The following SCIN variants were observed in gnomAD, a reference collection of about 807,000 sequenced individuals.
SCIN encodes the protein scinderin, also known as adseverin.
A neutral mutation model predicts 91.8 loss-of-function variants in SCIN; 91 were observed. That is an observed-to-expected ratio of 0.99 (90% CI 0.84 to 1.18). The LOEUF (loss-of-function observed/expected upper bound fraction) is 1.18, where lower values mean the gene tolerates loss of function less well. SCIN is among the 50% of genes most tolerant of loss of function. SCIN has a pLI of 0.00. For missense variants in SCIN, 1,087 were observed against 863.9 expected (o/e 1.26, Z -3.24); for synonymous variants, 367 against 312.6 (o/e 1.17, Z -1.84).
chr7:12,573,917 G>A (rs1375928652), intron 1 of SCIN, among the ~76,000 whole-genome samples: 1 of 152,090 alleles, frequency 6.6e-6, no homozygotes, highest in Non-Finnish European at 1.5e-5. Flanking sequence ...GCTAGAAACT[G>A]GATCATTTAC....
intron 1 of SCIN, chr7:12,577,462 A>C (rs756042953): frequency 2.2e-6 from 1 of 451,142 alleles, no homozygotes; most frequent in Non-Finnish European, 4.4e-6. Context: ...ATTAATGCTT[A>C]CTTAAATCTC....
Position 12,657,551 on chromosome 7 carries a change from TATATATATATATATATA to T in SCIN, c.*4837_*4853del, listed in dbSNP as rs1784184947. On this transcript the variant is annotated 3_prime_UTR_variant, in exon 16 of 16. Coordinates refer to ENST00000297029, the MANE Select transcript of SCIN (RefSeq NM_001112706.3). ...ATATATGTGTGTGTATATATATATA[TATATATATATATATATA>T]TATATTTTTTTTTTTTTTTTTTTTT... 5.2e-5 allele frequency: 1 copy of T among 19,396 alleles called. No homozygotes were observed. The highest frequency in any genetic ancestry group is 1.3e-4 in the Non-Finnish European group (1 of 7,942). The allele number at this position is 19,396 out of a possible 1,614,324, so 1.2% of individuals were successfully genotyped here.
At chr7:12,649,691 A>G in intron 14 of SCIN, 147 bp downstream of exon 14, 1 of 461,880 alleles carries the variant, frequency 2.2e-6, no homozygotes, top group Non-Finnish European at 3.8e-6. Flanking sequence ...TTGGTAAAAA[A>G]TGAAACTAAC....
intron 5 of SCIN, among the ~76,000 whole-genome samples, chr7:12,623,571 C>T (rs150956207): frequency 3.9e-4 from 60 of 152,234 alleles, no homozygotes; most frequent in African/African-American, 1.3e-3. Flanking sequence ...AACTGCAAGA[C>T]ACTCCAGTTA....
chr7:12,594,025 G>A (rs1050846046), intron 3 of SCIN, among the ~76,000 whole-genome samples: 23 of 152,184 alleles, frequency 1.5e-4, no homozygotes, highest in African/African-American at 2.2e-4. Flanking sequence ...GTAAGAGATC[G>A]TAGAAGGAGA....
In SCIN at chr7:12,625,132, C is replaced by A. The variant is rs764534533; in HGVS notation, c.882C>A (p.Phe294Leu). Residue 294 changes from phenylalanine to leucine, a missense_variant, in exon 6 of 16, where the codon TTC becomes TTA. Transcript: ENST00000297029. ...ACCACGGGGCTGCCAAACAAATTTTCGTATGGAAAGGTAAAAAATTCCATT... is the reference window on the plus strand; with the variant it reads ...ACCACGGGGCTGCCAAACAAATTTTAGTATGGAAAGGTAAAAAATTCCATT... Reference protein sequence around the residue: ...ILDHGAAKQIFVWKGKDANPQ... With the variant: ...ILDHGAAKQILVWKGKDANPQ... The A allele has an allele frequency of 6.2e-7, 1 of 1,607,982 alleles. No homozygotes were observed. Among genetic ancestry groups the A allele is most frequent in the Admixed American group, 1.7e-5 (1 of 59,284 alleles).
chr7:12,631,676 A>C (rs1283986497), intron 9 of SCIN, among the ~76,000 whole-genome samples: 1 of 152,224 alleles, frequency 6.6e-6, no homozygotes, highest in African/African-American at 2.4e-5. Flanking sequence ...CTTTGCCAGC[A>C]AGAAAACCCT....
intron 7 of SCIN, 149 bp from the exon 8 acceptor site, chr7:12,626,435 T>A: frequency 1.6e-6 from 1 of 613,178 alleles, no homozygotes; most frequent in South Asian, 2.3e-5. Context: ...TTACTTTAGT[T>A]GTGAGAAAAA....
At chr7:12,578,325 T>C (rs929442023) in intron 2 of SCIN, 107 bp downstream of exon 2, 1 of 1,038,848 alleles carries the variant, frequency 9.6e-7, no homozygotes, top group African/African-American at 1.6e-5. Context: ...GTTTTTGTTT[T>C]ATTTGCTTTT....
rs1243340193 is a variant in SCIN at position 12,655,531 on chromosome 7, T to A, written c.*2816T>A. 6.6e-6 allele frequency: 1 copy of A among 152,160 alleles called. No individual in the cohort carries two copies. The highest frequency in any genetic ancestry group is 2.4e-5 in the African/African-American group (1 of 41,440). The allele number at this position is 152,160 out of a possible 1,614,324, so 9.4% of individuals were successfully genotyped here. A position where few individuals can be genotyped will look rare whatever the true frequency, so the allele number is the denominator to read the frequency against. Reference sequence around the variant, plus strand: ...ATGTTCTAAGACACTCTTAATTAAATAAATTCACAATAAAATAATCATACT... The same window carrying A: ...ATGTTCTAAGACACTCTTAATTAAAAAAATTCACAATAAAATAATCATACT... On this transcript the variant is annotated 3_prime_UTR_variant, in exon 16 of 16. Coordinates refer to ENST00000297029, the MANE Select transcript of SCIN (RefSeq NM_001112706.3).
At position 12,626,800 on chromosome 7, in the gene SCIN, G is replaced by C; in HGVS notation, c.1197+1G>C. The C allele has an allele frequency of 6.3e-7, 1 of 1,599,494 alleles. No individual in the cohort carries two copies. The highest frequency in any genetic ancestry group is 8.5e-7 in the Non-Finnish European group (1 of 1,172,390). On this transcript the variant is annotated splice_donor_variant, in intron 8 of 15. Transcript: ENST00000297029. LOFTEE classifies it high-confidence loss of function. ...GGATGATGGTTCTGGCAAAGTGGAG[G>C]TATTTACCTGTTTTTGTTTTTATCA...
At chr7:12,634,111 G>A (rs1336369681) in intron 9 of SCIN, among the ~76,000 whole-genome samples, 1 of 152,056 alleles carries the variant, frequency 6.6e-6, no homozygotes, top group African/African-American at 2.4e-5. Flanking sequence ...AACGTGGCAG[G>A]TTATTTTAAT....
intron 13 of SCIN, among the ~76,000 whole-genome samples, chr7:12,646,125 T>C (rs116580059): frequency 0.031 from 4,742 of 152,362 alleles, 87 homozygotes; most frequent in Middle Eastern, 0.051. Flanking sequence ...AGGAATGTTT[T>C]ATTTCATAGT....
intron 13 of SCIN, among the ~76,000 whole-genome samples, chr7:12,645,749 G>T (rs1783953608): frequency 6.6e-6 from 1 of 151,998 alleles, no homozygotes; most frequent in Non-Finnish European, 1.5e-5. Context: ...GCAGTATTTG[G>T]TTTTCTGTTC....
At chr7:12,609,646 C>T (rs557134375) in intron 4 of SCIN, among the ~76,000 whole-genome samples, 1 of 151,990 alleles carries the variant, frequency 6.6e-6, no homozygotes, top group Non-Finnish European at 1.5e-5. Flanking sequence ...TTTGAAACAA[C>T]AACAATTTTT....
chr7:12,625,678 T>C, intron 6 of SCIN, 84 bp from the exon 7 acceptor site: 1 of 1,009,258 alleles, frequency 9.9e-7, no homozygotes, highest in Non-Finnish European at 1.5e-6. Flanking sequence ...ATAATCATGT[T>C]TATTATGGTA....
chr7:12,609,483 C>T (rs1253176948), intron 4 of SCIN, among the ~76,000 whole-genome samples: 1 of 151,494 alleles, frequency 6.6e-6, no homozygotes, highest in African/African-American at 2.4e-5. Flanking sequence ...CTTGATTAAT[C>T]GTTTTGTAAA....
chr7:12,648,295 C>CTTTTTTT (rs35618552), intron 13 of SCIN, among the ~76,000 whole-genome samples: 1 of 133,622 alleles, frequency 7.5e-6, no homozygotes, highest in Non-Finnish European at 1.6e-5. Flanking sequence ...CTCTCTCTCT[C>CTTTTTTT]TTTTTTTTTT....
intron 4 of SCIN, among the ~76,000 whole-genome samples, chr7:12,606,229 C>T (rs1036181281): frequency 3.3e-5 from 5 of 152,108 alleles, no homozygotes; most frequent in East Asian, 3.8e-4. Context: ...TGATATAATA[C>T]CTTTTTGAAA....
Sources: gnomAD v4.1 joint callset for allele counts (sites outside exome capture counted in the v4.1 genomes callset) on GRCh38, gnomAD v4.1.1 for gene constraint, MANE v1.5 for transcripts, NCBI Gene and HGNC (gene_info 2026-07-23, HGNC 2026-07-21) for gene names.